TUBD1: variants seen among roughly 807,000 people sequenced by gnomAD.
TUBD1 encodes the protein tubulin delta chain.
In TUBD1, 38 loss-of-function variants were observed where a neutral mutation model predicts 51.2. The observed-to-expected ratio is 0.74, with a 90% CI of 0.57 to 0.97. The LOEUF is 0.97. Ranked by LOEUF, TUBD1 falls within the 50% of genes least tolerant of loss-of-function variation. The pLI is 0.00. For synonymous variants in TUBD1, 169 were observed against 178.2 expected (o/e 0.95, Z 0.41); for missense variants, 489 against 538.4 (o/e 0.91, Z 0.91).
chr17:59,874,946 T>C (rs1357115002), intron 5 of TUBD1, among the ~76,000 whole-genome samples: 1 of 152,084 alleles, frequency 6.6e-6, no homozygotes, highest in Non-Finnish European at 1.5e-5. Flanking sequence ...AAAAGCAAAC[T>C]ACAATTTAGA....
At chr17:59,877,398 C>T (rs938417520) in intron 5 of TUBD1, among the ~76,000 whole-genome samples, 2 of 152,214 alleles carry the variant, frequency 1.3e-5, no homozygotes, top group Non-Finnish European at 2.9e-5. Flanking sequence ...GATGGGAAAC[C>T]TCAGGAAGGT....
Position 59,892,865 on chromosome 17 carries a change from C to G in TUBD1, c.-208G>C, listed in dbSNP as rs1042998389. ...TTTTCCTATTCAGAAAGATTAATTACGCATGTTCAATTTCAATTTACGAAC... is the reference window on the plus strand; with the variant it reads ...TTTTCCTATTCAGAAAGATTAATTAGGCATGTTCAATTTCAATTTACGAAC... On this transcript the variant is annotated 5_prime_UTR_variant, in exon 1 of 9. Transcript: ENST00000325752. The G allele has an allele frequency of 6.1e-6, 2 of 326,882 alleles. No individual in the cohort carries two copies. Among genetic ancestry groups the G allele is most frequent in the East Asian group, 1.1e-4 (2 of 18,150 alleles). The allele number at this position is 326,882 out of a possible 1,614,324, so 20.2% of individuals were successfully genotyped here.
chr17:59,877,443 T>C (rs2040275292), intron 5 of TUBD1, among the ~76,000 whole-genome samples: 1 of 152,226 alleles, frequency 6.6e-6, no homozygotes, highest in African/African-American at 2.4e-5. Flanking sequence ...TGACTTATGC[T>C]TTTAAAAACT....
intron 2 of TUBD1, 66 bp from the exon 3 acceptor site, chr17:59,886,296 A>C: frequency 6.8e-7 from 1 of 1,479,746 alleles, no homozygotes. Flanking sequence ...TATTTGGGTA[A>C]CTCAGAGCAT....
At chr17:59,866,807 G>A (rs2039725744) in intron 6 of TUBD1, 58 bp from the exon 7 acceptor site, 2 of 1,418,416 alleles carry the variant, frequency 1.4e-6, no homozygotes, top group Non-Finnish European at 9.5e-7. Context: ...TTTTTGAGAT[G>A]GAGTCTCACT....
At chr17:59,875,776 A>G (rs1299869076) in intron 5 of TUBD1, among the ~76,000 whole-genome samples, 6 of 151,966 alleles carry the variant, frequency 3.9e-5, no homozygotes, top group South Asian at 2.1e-4. Context: ...ATGAAACTCT[A>G]TTTGGAAAGA....
intron 6 of TUBD1, among the ~76,000 whole-genome samples, chr17:59,872,674 G>T (rs1193347416): frequency 1.3e-5 from 2 of 148,784 alleles, no homozygotes; most frequent in African/African-American, 5.0e-5. Context: ...ACATGTGTCA[G>T]TATATATATG....
At chr17:59,885,910 A>G (rs2040699725) in intron 3 of TUBD1, among the ~76,000 whole-genome samples, 173 bp downstream of exon 3, 1 of 152,242 alleles carries the variant, frequency 6.6e-6, no homozygotes, top group African/African-American at 2.4e-5. Context: ...TACCTTAAGT[A>G]CAGACATAGG....
At chr17:59,865,691 G>A (rs900993379) in intron 7 of TUBD1, among the ~76,000 whole-genome samples, 7 of 152,200 alleles carry the variant, frequency 4.6e-5, no homozygotes, top group Non-Finnish European at 7.3e-5. Flanking sequence ...AGCAATTCCC[G>A]TTCACCCCTT....
Position 59,878,194 on chromosome 17 carries a change from A to G in TUBD1, c.678T>C (p.Asp226=), listed in dbSNP as rs892959187. ...LMNIKQISFS[D]INQVLAHQLG... ...GCTGATGTGCGAGGACTTGATTGAT[A>G]TCACTAAAGGAGATCTGCTTGATAT... The change falls in exon 5 of 9, where the codon GAT becomes GAC. Residue 226 remains aspartate (D), a synonymous_variant. Transcript: ENST00000325752. The G allele has an allele frequency of 9.9e-6, 16 of 1,614,060 alleles. No individual in the cohort carries two copies. The highest frequency in any genetic ancestry group is 1.7e-5 in the Admixed American group (1 of 59,972).
chr17:59,883,895 G>C (rs1227386564), intron 3 of TUBD1, among the ~76,000 whole-genome samples: 1 of 152,040 alleles, frequency 6.6e-6, no homozygotes, highest in Non-Finnish European at 1.5e-5. Context: ...TTGATACCAG[G>C]TAGTTCTACA....
intron 6 of TUBD1, among the ~76,000 whole-genome samples, chr17:59,872,458 C>T (rs952024979): frequency 2.6e-5 from 4 of 151,886 alleles, no homozygotes; most frequent in African/African-American, 9.7e-5. Flanking sequence ...AAAATATCAA[C>T]TGAATAAATA....
At position 59,876,082 on chromosome 17, in the gene TUBD1, A is replaced by G. The variant is rs528215380; in HGVS notation, c.770-1379T>C. On this transcript the variant is annotated intron_variant, in intron 5 of 8. Transcript: ENST00000325752. ...TGCTAATGGAGTGTCCTCTAAATGT[A>G]GAATTCTTTTCTGTAAAATACCTAG... Among the ~76,000 whole-genome samples the G allele has an allele frequency of 1.1e-4, 17 of 152,330 alleles. No homozygotes were observed. The South Asian group carries it at 3.5e-3, about 32-fold the overall frequency.
intron 2 of TUBD1, among the ~76,000 whole-genome samples, chr17:59,889,668 CA>C (rs1195587619): frequency 1.1e-3 from 62 of 54,188 alleles, no homozygotes; most frequent in East Asian, 5.7e-3. Flanking sequence ...GACTCTGTCT[CA>C]AAAAAAAAAA....
At chr17:59,869,585 T>C (rs1006042996) in intron 6 of TUBD1, among the ~76,000 whole-genome samples, 19 of 152,132 alleles carry the variant, frequency 1.2e-4, no homozygotes, top group Non-Finnish European at 2.9e-5. Flanking sequence ...GAGCAGCATG[T>C]CTCACATGAC....
chr17:59,890,176 A>C (rs1453873215), intron 2 of TUBD1, among the ~76,000 whole-genome samples: 2 of 152,174 alleles, frequency 1.3e-5, no homozygotes, highest in African/African-American at 4.8e-5. Flanking sequence ...AGGTCACTGG[A>C]AACTTTTCTT....
At chr17:59,885,569 G>A (rs1568325391) in intron 3 of TUBD1, 1 of 1,327,564 alleles carries the variant, frequency 7.5e-7, no homozygotes, top group South Asian at 1.2e-5. Context: ...GGCTTCGTGG[G>A]CTTTTGTGCC....
chr17:59,868,770 G>A (rs1020272293), intron 6 of TUBD1, among the ~76,000 whole-genome samples: 1 of 151,960 alleles, frequency 6.6e-6, no homozygotes, highest in East Asian at 1.9e-4. Context: ...CCGGGAGGCG[G>A]AGGTTGCAGT....
chr17:59,870,427 G>A (rs1404892775), intron 6 of TUBD1, among the ~76,000 whole-genome samples: 6 of 141,172 alleles, frequency 4.3e-5, no homozygotes, highest in Non-Finnish European at 7.7e-5. Context: ...AAAAATACAG[G>A]AGGATTAACT....
Sources: allele counts gnomAD v4.1 joint callset (sites outside exome capture counted in the v4.1 genomes callset), GRCh38; gene constraint gnomAD v4.1.1; transcripts MANE v1.5; gene names NCBI Gene and HGNC (gene_info 2026-07-23, HGNC 2026-07-21).